Variants in ARHGAP8 observed in about 807,000 individuals in gnomAD.
ARHGAP8 encodes Rho GTPase activating protein 8, also known as rho GTPase-activating protein 8.
ARHGAP8 carries 62 observed loss-of-function variants against 46.1 expected under a neutral mutation model. The observed-to-expected ratio is 1.34, with a 90% confidence interval of 1.10 to 1.66. The LOEUF (loss-of-function observed/expected upper bound fraction) is 1.66, where lower values mean the gene tolerates loss of function less well. Among genes scored for constraint, ARHGAP8 ranks in the 40% most tolerant of loss-of-function variants. The pLI is 0.00. For synonymous variants in ARHGAP8, 375 were observed against 243.1 expected, an observed-to-expected ratio of 1.54 and a Z score of -5.05; for missense variants, 923 against 568.4, an observed-to-expected ratio of 1.62 and a Z score of -6.34.
At chr22:44,861,844 T>A (rs186534155) in intron 11 of ARHGAP8, among the ~76,000 whole-genome samples, 1 of 152,110 alleles carries the variant, frequency 6.6e-6, no homozygotes, top group Non-Finnish European at 1.5e-5. Flanking sequence ...GCAAGCTCTT[T>A]CCACTCTCCC....
At chr22:44,830,770 C>T (rs1013167847) in intron 7 of ARHGAP8, among the ~76,000 whole-genome samples, 3 of 152,090 alleles carry the variant, frequency 2.0e-5, no homozygotes, top group African/African-American at 7.2e-5. Flanking sequence ...AACTCTTGAC[C>T]TCAGGTGATC....
intron 7 of ARHGAP8, among the ~76,000 whole-genome samples, chr22:44,832,968 A>AACACACAC (rs56982617): frequency 1.2e-4 from 18 of 149,650 alleles, no homozygotes; most frequent in Admixed American, 4.0e-4. Context: ...GTCTATTAAA[A>AACACACAC]ACACACACAC....
At chr22:44,828,708 C>G (rs1487049680) in intron 7 of ARHGAP8, among the ~76,000 whole-genome samples, 1 of 151,644 alleles carries the variant, frequency 6.6e-6, no homozygotes, top group East Asian at 2.0e-4. Context: ...CTGCCTCGGC[C>G]TCCTACTGGG....
At chr22:44,778,608 T>G (rs1926593538) in intron 1 of ARHGAP8, among the ~76,000 whole-genome samples, 1 of 152,202 alleles carries the variant, frequency 6.6e-6, no homozygotes, top group African/African-American at 2.4e-5. Context: ...TCCACACTGT[T>G]TTCCATAGTG....
chr22:44,760,720 C>T (rs1925066806), intron 1 of ARHGAP8, among the ~76,000 whole-genome samples: 1 of 152,164 alleles, frequency 6.6e-6, no homozygotes, highest in African/African-American at 2.4e-5. Context: ...AGCAACAAAC[C>T]ATTTTGCTAT....
intron 4 of ARHGAP8, 114 bp downstream of exon 4, chr22:44,808,552 G>A (rs1194393973): frequency 6.6e-7 from 1 of 1,511,934 alleles, no homozygotes; most frequent in Non-Finnish European, 8.8e-7. Flanking sequence ...TGGTAGGGCG[G>A]AGGGTGGAGG....
chr22:44,764,272 G>T (rs1397282020), intron 1 of ARHGAP8, among the ~76,000 whole-genome samples: 1 of 152,188 alleles, frequency 6.6e-6, no homozygotes, highest in Non-Finnish European at 1.5e-5. Context: ...GGAAGCCCCT[G>T]CAGGGACTGG....
chr22:44,859,885 C>A, intron 11 of ARHGAP8, 51 bp downstream of exon 11: 2 of 1,594,646 alleles, frequency 1.3e-6, no homozygotes, highest in East Asian at 2.2e-5. Flanking sequence ...CCTTCCCTCC[C>A]ATGCTGGGCC....
At position 44,862,543 on chromosome 22, in the gene ARHGAP8, C is replaced by T. The variant is rs1478981225; in HGVS notation, c.1250C>T (p.Thr417Ile). The T allele has an allele frequency of 6.2e-7, 1 of 1,604,104 alleles. No homozygotes were observed. Among genetic ancestry groups the T allele is most frequent in the East Asian group, 2.2e-5 (1 of 44,590 alleles). Residue 417 changes from threonine to isoleucine, a missense_variant, in exon 12 of 12, where the codon ACC becomes ATC. By Grantham distance (89) the Thr-to-Ile change is moderately conservative. Transcript: ENST00000356099. ...CCACGGACACAAGCCACGGGCCTCACCAAGCCTACCCTACCTCCGAGTCCC... is the reference window on the plus strand; with the variant it reads ...CCACGGACACAAGCCACGGGCCTCATCAAGCCTACCCTACCTCCGAGTCCC... Reference protein sequence around the residue: ...AVPRTQATGLTKPTLPPSPLM... With the variant: ...AVPRTQATGLIKPTLPPSPLM...
chr22:44,845,880 A>G (rs754904052), intron 8 of ARHGAP8, among the ~76,000 whole-genome samples: 69 of 152,146 alleles, frequency 4.5e-4, no homozygotes, highest in Non-Finnish European at 5.4e-4. Context: ...GGGAGGAAAG[A>G]GGTTCCCACG....
intron 2 of ARHGAP8, among the ~76,000 whole-genome samples, chr22:44,788,308 A>G (rs5766018): frequency 0.43 from 64,828 of 151,684 alleles, 14,210 homozygotes; most frequent in East Asian, 0.55. Context: ...TAGTAGAGAC[A>G]GGGTTTTGCC....
At chr22:44,768,361 G>A (rs960622563) in intron 1 of ARHGAP8, among the ~76,000 whole-genome samples, 8 of 151,810 alleles carry the variant, frequency 5.3e-5, no homozygotes, top group South Asian at 2.1e-4. Context: ...GGGCAGTGGC[G>A]CAATCAGCCT....
rs149838538 is a variant in ARHGAP8, at chr22:44,862,592, C to G, written c.1299C>G (p.Leu433=). The G allele has an allele frequency of 2.1e-5, 33 of 1,572,742 alleles. No homozygotes were observed. Among genetic ancestry groups the G allele is most frequent in the East Asian group, 2.1e-4 (9 of 43,102 alleles). The part of the protein sequence containing the change: ...PSPLMAARRR[L] ...CCCTGATGGCAGCCAGAAGACGTCT[C>G]TAGTGTTGCGAACACTCTGTATATT... is the stretch of plus-strand genomic sequence containing the variant. Residue 433 remains leucine (L), a synonymous_variant, in exon 12 of 12, where the codon CTC becomes CTG. Coordinates refer to ENST00000356099, the MANE Select transcript of ARHGAP8 (RefSeq NM_181335.3).
intron 4 of ARHGAP8, among the ~76,000 whole-genome samples, chr22:44,812,572 G>A (rs1164204948): frequency 1.3e-5 from 2 of 151,738 alleles, no homozygotes; most frequent in Non-Finnish European, 2.9e-5. Context: ...GGCCAGGATG[G>A]TCTCCATCTC....
rs371998862 is a variant in ARHGAP8, at chr22:44,808,334, C to T, written c.195C>T (p.Tyr65=). The T allele has an allele frequency of 1.2e-5, 20 of 1,614,074 alleles. No individual in the cohort carries two copies. The highest frequency in any genetic ancestry group is 5.3e-5 in the African/African-American group (4 of 74,938). The stretch of plus-strand genomic sequence containing the variant: ...ATTTGAAGTACACACTGGACCAATA[C>T]GTTGAGAACGATTATACCATCGTCT... The part of the protein sequence containing the change: ...LEYLKYTLDQ[Y]VENDYTIVYF... The change falls in exon 4 of 12, where the codon TAC becomes TAT. Residue 65 remains tyrosine (Y), a synonymous_variant. Coordinates refer to ENST00000356099, the MANE Select transcript of ARHGAP8 (RefSeq NM_181335.3).
chr22:44,839,623 A>C (rs768001566), intron 7 of ARHGAP8, among the ~76,000 whole-genome samples: 2 of 152,170 alleles, frequency 1.3e-5, no homozygotes, highest in African/African-American at 4.8e-5. Context: ...TGAGCTGGTC[A>C]CCTGGCCTCT....
At chr22:44,814,596 C>A in intron 4 of ARHGAP8, 76 bp from the exon 5 acceptor site, 1 of 1,258,166 alleles carries the variant, frequency 7.9e-7, no homozygotes, top group Non-Finnish European at 1.1e-6. Flanking sequence ...GTGGAGGCAG[C>A]TGTTTCAGGG....
chr22:44,791,440 G>A (rs5765015), intron 2 of ARHGAP8, among the ~76,000 whole-genome samples: 37,049 of 151,912 alleles, frequency 0.24, 5,113 homozygotes, highest in East Asian at 0.49. Flanking sequence ...GCAGTGGCTC[G>A]TGCCTGTAAT....
At chr22:44,854,428 T>C (rs1053713170) in intron 10 of ARHGAP8, among the ~76,000 whole-genome samples, 3 of 151,752 alleles carry the variant, frequency 2.0e-5, no homozygotes, top group African/African-American at 7.3e-5. Flanking sequence ...GAGACGGGCT[T>C]CACCATGTTG....
Sources: gnomAD v4.1 joint callset for allele counts (sites outside exome capture counted in the v4.1 genomes callset) on GRCh38, gnomAD v4.1.1 for gene constraint, MANE v1.5 for transcripts, NCBI Gene and HGNC (gene_info 2026-07-23, HGNC 2026-07-21) for gene names.